The following NLRP7 variants were observed in gnomAD, a reference collection of about 807,000 sequenced individuals.
The protein encoded by NLRP7 is NACHT, LRR and PYD domains-containing protein 7.
NLRP7 carries 72 observed loss-of-function variants against 85.5 expected under a neutral mutation model. The ratio of observed to expected loss-of-function variants is 0.84; its 90% CI spans 0.70 to 1.02. The LOEUF (loss-of-function observed/expected upper bound fraction) is 1.02. Ranked by LOEUF, NLRP7 falls within the 50% of genes least tolerant of loss-of-function variation. The pLI is 0.00. For missense variants in NLRP7, 1,243 were observed against 1,219.5 expected, an observed-to-expected ratio of 1.02 and a Z score of -0.29; for synonymous variants, 550 against 505.2, an observed-to-expected ratio of 1.09 and a Z score of -1.19.
rs1216075835 is a variant in NLRP7, at chr19:54,934,539, C to T, written c.2421G>A (p.Met807Ile). 1.9e-6 allele frequency: 3 copies of T among 1,614,054 alleles called. No individual in the cohort carries two copies. The highest frequency in any genetic ancestry group is 2.5e-6 in the Non-Finnish European group (3 of 1,180,032). ...GGCGTGTCATGGTCTTGTACAGCAA[C>T]ATGGCACCCTCATCCAGGAGCACAT... Residue 807 changes from methionine (M) to isoleucine (I), a missense_variant, in exon 7 of 10, where the codon ATG becomes ATA. Around this residue, in one of 3 missense-constraint regions of NLRP7, gnomAD observed 613 missense variants for 588.4 expected, o/e 1.04. Transcript: ENST00000340844. The surrounding 1 kb of genome is among the most constrained non-coding windows in gnomAD (Gnocchi z 6.7).
In NLRP7 at chr19:54,927,812, G is replaced by A. The variant is rs104895522; in HGVS notation, c.2810+2687C>T. 2.1e-5 allele frequency: 34 copies of A among 1,595,498 alleles called. No individual in the cohort carries two copies. The highest frequency in any genetic ancestry group is 1.7e-4 in the Middle Eastern group (1 of 5,954). ...GAACATGGAAATCCACGCATTCACT[G>A]AGCAGGTAGTGGCTCAAGCGTGTAA... On this transcript the variant is annotated intron_variant, in intron 9 of 9. Coordinates refer to ENST00000340844, the Ensembl canonical transcript of NLRP7.
At chr19:54,948,154 CG>C (rs2069554681), upstream of NLRP7, among the ~76,000 whole-genome samples, 1 of 152,116 alleles carries the variant, frequency 6.6e-6, no homozygotes, top group Non-Finnish European at 1.5e-5. Context: ...GAAGCCGAGG[CG>C]GGTGGATCAC....
chr19:54,952,535 A>G (rs536304976), intron 1 of NLRP7, among the ~76,000 whole-genome samples: 1 of 151,640 alleles, frequency 6.6e-6, no homozygotes, highest in African/African-American at 2.4e-5. Context: ...CGGAGGTTGC[A>G]GTGAGCAAAG....
intron 1 of NLRP7, 105 bp from the exon 2 acceptor site, chr19:54,941,855 T>C: frequency 1.2e-6 from 1 of 862,640 alleles, no homozygotes; most frequent in South Asian, 2.0e-5. Context: ...CAGTGAGTGG[T>C]AAAATATTCC....
At chr19:54,930,710 T>G in intron 8 of NLRP7, 44 bp from the exon 9 acceptor site, 1 of 1,551,154 alleles carries the variant, frequency 6.4e-7, no homozygotes, top group South Asian at 1.1e-5. Flanking sequence ...TCCCTCTGGC[T>G]AACGCCCTGT....
chr19:54,925,437 G>A (rs4806624), intron 9 of NLRP7, among the ~76,000 whole-genome samples: 9,876 of 152,176 alleles, frequency 0.065, 335 homozygotes, highest in East Asian at 0.15. Flanking sequence ...CATGCTTAGC[G>A]TTCCAATAAT....
At chr19:54,926,445 CA>C (rs1213590536) in intron 9 of NLRP7, among the ~76,000 whole-genome samples, 1 of 152,034 alleles carries the variant, frequency 6.6e-6, no homozygotes, top group Non-Finnish European at 1.5e-5. Flanking sequence ...CACACACTCC[CA>C]AAAAAACTCT....
chr19:54,952,900 G>A (rs1569542092), intron 1 of NLRP7, among the ~76,000 whole-genome samples: 1 of 152,010 alleles, frequency 6.6e-6, no homozygotes, highest in East Asian at 1.9e-4. Context: ...CACTTTGGGA[G>A]GCCGAGGCGG....
At chr19:54,925,748 C>T (rs1263673050) in intron 9 of NLRP7, among the ~76,000 whole-genome samples, 3 of 152,156 alleles carry the variant, frequency 2.0e-5, no homozygotes, top group Non-Finnish European at 2.9e-5. Context: ...CCTGTAATCC[C>T]AGCACTTTGG....
rs8106927 is a variant in NLRP7 at position 54,940,644 on chromosome 19, T to C, written c.353-178A>G. On this transcript the variant is annotated intron_variant, in intron 3 of 9. Transcript: ENST00000340844. ...GAGTTCAAGACCAGCCTGGCCAAGA[T>C]AGTGAAACCCCATCTCTACTAAAAA... Among the ~76,000 whole-genome samples the C allele has an allele frequency of 0.034, 5,130 of 151,954 alleles. 293 individuals are homozygous for C. Among genetic ancestry groups the C allele is most frequent in the African/African-American group, 0.11 (4,696 of 41,416 alleles).
chr19:54,949,710 C>T (rs1415042986), upstream of NLRP7, among the ~76,000 whole-genome samples: 1 of 152,044 alleles, frequency 6.6e-6, no homozygotes, highest in Non-Finnish European at 1.5e-5. Flanking sequence ...CAAGTGGCCT[C>T]CAGGGAGGGG....
At chr19:54,956,638 G>A (rs2069863977) in intron 1 of NLRP7, among the ~76,000 whole-genome samples, 2 of 151,084 alleles carry the variant, frequency 1.3e-5, no homozygotes, top group Non-Finnish European at 3.0e-5. Context: ...AGGTTGCAGT[G>A]AGCTGAGATT....
exon 4 of NLRP7, chr19:54,939,613 G>A (rs762472213): frequency 1.8e-5 from 29 of 1,610,856 alleles, no homozygotes; most frequent in Admixed American, 8.4e-5. Context: ...CGCCCTGCGG[G>A]AACCGGCTGC....
chr19:54,951,677 G>T (rs946218914), upstream of NLRP7, among the ~76,000 whole-genome samples: 1 of 152,018 alleles, frequency 6.6e-6, no homozygotes, highest in Admixed American at 6.6e-5. Flanking sequence ...TGTGTATCAC[G>T]TGGCTCTAGA....
chr19:54,941,772 C>T lies in NLRP7; in HGVS notation c.-39-22G>A, dbSNP rs1204059413. 7.1e-6 allele frequency: 11 copies of T among 1,555,096 alleles called. No homozygotes were observed. The Middle Eastern group carries it at 6.9e-4, about 98-fold the overall frequency. ...AGAACTGGGGGGAAAAAAGGAAAAA[C>T]AGTTCACGAGTTACCATCATTAAAT... On this transcript the variant is annotated intron_variant, in intron 1 of 9. Coordinates refer to ENST00000340844, the Ensembl canonical transcript of NLRP7.
intron 1 of NLRP7, among the ~76,000 whole-genome samples, chr19:54,964,623 G>T (rs1190714592): frequency 5.9e-5 from 9 of 151,500 alleles, no homozygotes; most frequent in Non-Finnish European, 1.3e-4. Context: ...AGGAGTTTGA[G>T]ACCAGCCTGG....
chr19:54,950,191 G>A (rs2069624728), upstream of NLRP7, among the ~76,000 whole-genome samples: 1 of 151,834 alleles, frequency 6.6e-6, no homozygotes, highest in Non-Finnish European at 1.5e-5. Context: ...TGCACCCCAG[G>A]TCCACAGGGA....
chr19:54,923,616 G>C, exon 10 of NLRP7: 1 of 1,091,946 alleles, frequency 9.2e-7, no homozygotes, highest in South Asian at 1.2e-5. Flanking sequence ...GAGAAAACCA[G>C]TGTCAAATCC....
upstream of NLRP7, among the ~76,000 whole-genome samples, chr19:54,949,962 C>T (rs1463260514): frequency 1.3e-5 from 2 of 152,022 alleles, no homozygotes; most frequent in East Asian, 3.9e-4. Context: ...ATTAGCCAGG[C>T]GTGGTGGAGT....
Sources: allele counts gnomAD v4.1 joint callset (sites outside exome capture counted in the v4.1 genomes callset), GRCh38; gene constraint gnomAD v4.1.1; regional missense constraint gnomAD v4.1.1; non-coding constraint Gnocchi (gnomAD v3.1); transcripts MANE v1.5; gene names NCBI Gene and HGNC (gene_info 2026-07-23, HGNC 2026-07-21).